Variants in TMEM135 observed in about 807,000 individuals in gnomAD.
The protein encoded by TMEM135 is transmembrane protein 135, also known as peroxisomal membrane protein 52.
TMEM135 carries 30 observed loss-of-function variants against 60.3 expected under a neutral mutation model. That is an observed-to-expected ratio of 0.50 (90% confidence interval 0.37 to 0.68). TMEM135 has a LOEUF of 0.68. Ranked by LOEUF, TMEM135 falls within the 30% of genes least tolerant of loss-of-function variation. The pLI is 0.00. For missense variants in TMEM135, 468 were observed against 548.8 expected (o/e 0.85, Z 1.47); for synonymous variants, 190 against 186.7 (o/e 1.02, Z -0.14).
intron 5 of TMEM135, among the ~76,000 whole-genome samples, chr11:87,228,343 C>G (rs1342934722): frequency 6.6e-6 from 1 of 152,114 alleles, no homozygotes; most frequent in Non-Finnish European, 1.5e-5. Context: ...CGGAGCTTAC[C>G]TTTCTACATC....
At chr11:87,209,209 C>T (rs146543854) in intron 5 of TMEM135, among the ~76,000 whole-genome samples, 9 of 152,208 alleles carry the variant, frequency 5.9e-5, no homozygotes, top group African/African-American at 9.6e-5. Flanking sequence ...CAATATTGAC[C>T]CTTAATGTCA....
chr11:87,125,280 C>A (rs1441418206), intron 4 of TMEM135, among the ~76,000 whole-genome samples: 1 of 152,094 alleles, frequency 6.6e-6, no homozygotes, highest in South Asian at 2.1e-4. Flanking sequence ...GGACAATAAT[C>A]CAATAAGTAA....
At chr11:87,237,341 G>A (rs1287284773) in intron 6 of TMEM135, among the ~76,000 whole-genome samples, 2 of 151,748 alleles carry the variant, frequency 1.3e-5, no homozygotes, top group African/African-American at 4.8e-5. Context: ...TTTATTTTTA[G>A]TGATACCAAT....
intron 6 of TMEM135, among the ~76,000 whole-genome samples, chr11:87,263,276 A>G (rs1941688934): frequency 6.6e-6 from 1 of 152,230 alleles, no homozygotes; most frequent in South Asian, 2.1e-4. Context: ...TGGAGATTGG[A>G]TACAAGAACT....
chr11:87,258,089 T>C (rs1283628877), intron 6 of TMEM135, among the ~76,000 whole-genome samples: 2 of 152,036 alleles, frequency 1.3e-5, no homozygotes, highest in African/African-American at 2.4e-5. Context: ...AATAACTTGA[T>C]TATATTTTCT....
chr11:87,047,825 G>GGCCT (rs1349318120), intron 1 of TMEM135, among the ~76,000 whole-genome samples: 2 of 117,712 alleles, frequency 1.7e-5, no homozygotes, highest in African/African-American at 3.5e-5. Context: ...AGCTCAAGGA[G>GGCCT]GCCTGCCTGC....
intron 5 of TMEM135, among the ~76,000 whole-genome samples, chr11:87,203,409 C>G (rs1263720480): frequency 1.3e-5 from 2 of 152,084 alleles, no homozygotes; most frequent in African/African-American, 2.4e-5. Flanking sequence ...TTACTGTCTC[C>G]CTAGTTTTAC....
intron 1 of TMEM135, among the ~76,000 whole-genome samples, chr11:87,046,417 C>A (rs11234927): frequency 2.6e-5 from 4 of 152,086 alleles, no homozygotes; most frequent in African/African-American, 9.7e-5. Context: ...AACAACAAAA[C>A]AAACCCAGTA....
chr11:87,316,925 G>A (rs926584089), intron 12 of TMEM135, among the ~76,000 whole-genome samples: 2 of 149,372 alleles, frequency 1.3e-5, no homozygotes, highest in Admixed American at 6.7e-5. Flanking sequence ...AGCTTGCTAT[G>A]TCCTTTTGTG....
intron 7 of TMEM135, among the ~76,000 whole-genome samples, chr11:87,297,243 C>T (rs775786540): frequency 1.7e-4 from 26 of 152,122 alleles, no homozygotes; most frequent in African/African-American, 4.6e-4. Context: ...ATCCCAGCCA[C>T]GTATTGAAAA....
intron 8 of TMEM135, among the ~76,000 whole-genome samples, chr11:87,304,530 C>T (rs922217058): frequency 6.6e-6 from 1 of 152,226 alleles, no homozygotes; most frequent in African/African-American, 2.4e-5. Context: ...AGGTCTCCAG[C>T]TTTAATCACT....
intron 6 of TMEM135, among the ~76,000 whole-genome samples, chr11:87,278,626 G>A (rs952303469): frequency 3.9e-5 from 6 of 151,984 alleles, no homozygotes; most frequent in East Asian, 3.9e-4. Context: ...TGCCCGATTC[G>A]GTCTCCCAGA....
chr11:87,248,399 T>C (rs1258020405), intron 6 of TMEM135, among the ~76,000 whole-genome samples: 2 of 152,216 alleles, frequency 1.3e-5, no homozygotes, highest in African/African-American at 4.8e-5. Context: ...CCATTTTAAC[T>C]AGGGTGAGAT....
At chr11:87,263,981 A>T (rs184972153) in intron 6 of TMEM135, among the ~76,000 whole-genome samples, 6 of 152,124 alleles carry the variant, frequency 3.9e-5, no homozygotes. Flanking sequence ...TTAAATGAAA[A>T]ACCTAGAAAT....
intron 4 of TMEM135, among the ~76,000 whole-genome samples, chr11:87,113,133 G>A (rs1470274849): frequency 6.6e-6 from 1 of 152,042 alleles, no homozygotes; most frequent in Non-Finnish European, 1.5e-5. Flanking sequence ...ATAGTGATTA[G>A]CAAATAGAAG....
intron 4 of TMEM135, among the ~76,000 whole-genome samples, chr11:87,129,901 A>G (rs758496672): frequency 6.8e-6 from 1 of 146,304 alleles, no homozygotes; most frequent in Non-Finnish European, 1.5e-5. Flanking sequence ...GTCTTTGGAA[A>G]AAATGTACCC....
At chr11:87,170,032 C>CACACGTTATTTTATTAA (rs147009946) in intron 5 of TMEM135, among the ~76,000 whole-genome samples, 55,552 of 150,744 alleles carry the variant, frequency 0.37, 10,690 homozygotes, top group East Asian at 0.67. Flanking sequence ...ATCTTGTCTT[C>CACACGTTATTTTATTAA]GTTGATCTTC....
chr11:87,227,891 C>T (rs928627771), intron 5 of TMEM135, among the ~76,000 whole-genome samples: 1 of 152,074 alleles, frequency 6.6e-6, no homozygotes, highest in Non-Finnish European at 1.5e-5. Context: ...GTTTCTTTGA[C>T]AGATGGTTTC....
intron 12 of TMEM135, among the ~76,000 whole-genome samples, chr11:87,316,200 A>C (rs1431558450): frequency 2.0e-5 from 3 of 152,072 alleles, no homozygotes; most frequent in African/African-American, 7.2e-5. Flanking sequence ...GAACATAGTG[A>C]TATTTCTAAT....
Sources: allele counts gnomAD v4.1 joint callset (sites outside exome capture counted in the v4.1 genomes callset), GRCh38; gene constraint gnomAD v4.1.1; transcripts MANE v1.5; gene names NCBI Gene and HGNC (gene_info 2026-07-23, HGNC 2026-07-21).